PLEKHF1: variants seen among roughly 807,000 people sequenced by gnomAD.
The protein encoded by PLEKHF1 is pleckstrin homology and FYVE domain containing 1, also known as pleckstrin homology domain-containing family F member 1.
A neutral mutation model predicts 4.1 loss-of-function variants in PLEKHF1; 1 was observed. That is an observed-to-expected ratio of 0.24 (90% CI 0.09 to 1.15). The LOEUF is 1.15. Ranked by LOEUF, PLEKHF1 falls within the 50% of genes most tolerant of loss-of-function variation. The pLI, the probability that PLEKHF1 is intolerant of heterozygous loss-of-function variation, is 0.52. For synonymous variants in PLEKHF1, 182 were observed against 178.5 expected (o/e 1.02, Z -0.16); for missense variants, 429 against 400.6 (o/e 1.07, Z -0.60).
rs951070556 is a variant in PLEKHF1 at position 29,671,043 on chromosome 19, C to T, written c.-16-2781C>T. Among the ~76,000 whole-genome samples, 13 of 151,930 alleles carry T rather than the reference C, an allele frequency of 8.6e-5. No homozygotes were observed. Among genetic ancestry groups the T allele is most frequent in the African/African-American group, 2.9e-4 (12 of 41,402 alleles). On this transcript the variant is annotated intron_variant, in intron 1 of 1. Coordinates refer to ENST00000436066, the MANE Select transcript of PLEKHF1 (RefSeq NM_024310.5). The surrounding 1 kb of genome is among the most constrained non-coding windows in gnomAD (Gnocchi z 4.0). ...ATTCTCATCAGCAGTGCACAGTTTC[C>T]AGTTTCTCCACACCCTCACCAACAC...
chr19:29,668,856 G>A (rs1354387522), intron 1 of PLEKHF1, among the ~76,000 whole-genome samples: 5 of 152,136 alleles, frequency 3.3e-5, no homozygotes, highest in Admixed American at 2.6e-4. Context: ...TGAGCATGCC[G>A]GGGCAGCTCC....
At chr19:29,670,440 G>T (rs761303475) in intron 1 of PLEKHF1, among the ~76,000 whole-genome samples, 19 of 152,208 alleles carry the variant, frequency 1.2e-4, no homozygotes, top group Non-Finnish European at 2.6e-4. Flanking sequence ...CATTCGTGTT[G>T]TAGTGTGCGT....
chr19:29,673,513 C>T (rs536289291), intron 1 of PLEKHF1, among the ~76,000 whole-genome samples: 6 of 152,188 alleles, frequency 3.9e-5, no homozygotes, highest in Non-Finnish European at 7.4e-5. Flanking sequence ...CCTTCCAAAA[C>T]GCTGGAACCA....
chr19:29,674,245 G>A lies in PLEKHF1; in HGVS notation c.406G>A (p.Ala136Thr), dbSNP rs865866029. The A allele has an allele frequency of 6.2e-7, 1 of 1,608,830 alleles. No individual in the cohort carries two copies. The highest frequency in any genetic ancestry group is 1.3e-5 in the African/African-American group (1 of 74,910). The change falls in exon 2 of 2, where the codon GCC (alanine) becomes ACC (threonine). Residue 136 changes from alanine (A) to threonine (T), a missense_variant. Transcript: ENST00000436066. The part of the protein sequence containing the change: ...IEECVRRQLR[A>T]TGRPPSTEHA... ...GGAGTGCGTGCGGCGGCAACTGAGG[G>A]CCACGGGCCGCCCGCCCAGCACGGA...
At chr19:29,667,197 C>T (rs1213818722) in intron 1 of PLEKHF1, 1 of 152,650 alleles carries the variant, frequency 6.6e-6, no homozygotes, top group Non-Finnish European at 1.5e-5. Flanking sequence ...TCACTTCCTC[C>T]CAAGGCCTTC....
At chr19:29,673,117 C>G (rs377473512) in intron 1 of PLEKHF1, among the ~76,000 whole-genome samples, 2 of 152,138 alleles carry the variant, frequency 1.3e-5, no homozygotes, top group Non-Finnish European at 2.9e-5. Flanking sequence ...GAGATAGTCA[C>G]GCTTGGCTGA....
Position 29,674,644 on chromosome 19 carries a change from G to T in PLEKHF1, c.805G>T (p.Ala269Ser), listed in dbSNP as rs755803777. Residue 269 changes from alanine to serine, a missense_variant, in exon 2 of 2, where the codon GCC becomes TCC. Transcript: ENST00000436066. ...GDWPSSVEFY[A>S]SGVAWSAFHS ...CTGGCCCAGCAGCGTGGAGTTCTAC[G>T]CCTCGGGGGTGGCCTGGTCTGCCTT... 3.1e-6 allele frequency: 5 copies of T among 1,609,506 alleles called. No individual in the cohort carries two copies. The East Asian group carries it at 1.1e-4, about 36-fold the overall frequency.
At chr19:29,669,662 C>T (rs1252324014) in intron 1 of PLEKHF1, among the ~76,000 whole-genome samples, 1 of 152,234 alleles carries the variant, frequency 6.6e-6, no homozygotes, top group Non-Finnish European at 1.5e-5. Flanking sequence ...GAAGAAGCAA[C>T]ACGTGTTCCC....
At chr19:29,669,969 A>G (rs1479702956) in intron 1 of PLEKHF1, among the ~76,000 whole-genome samples, 1 of 152,040 alleles carries the variant, frequency 6.6e-6, no homozygotes, top group African/African-American at 2.4e-5. Context: ...ACTCACTGTG[A>G]TGCCCAGGCT....
At position 29,674,478 on chromosome 19, in the gene PLEKHF1, CCAG is replaced by C. The variant is rs1051561232; in HGVS notation, c.644_646del (p.Gln215del). 4 of 1,543,488 alleles carry C rather than the reference CCAG, an allele frequency of 2.6e-6. No individual in the cohort carries two copies. In the African/African-American group the frequency reaches 5.5e-5, roughly 21 times the overall value. ...GCCTCTGCTACCGCGAACTGGCCGC[CCAG>C]CAGCGGCAGGAGGAGGCGGAGGAGC... is the stretch of plus-strand genomic sequence containing the variant. On this transcript the variant is annotated inframe_deletion, in exon 2 of 2. Coordinates refer to ENST00000436066, the MANE Select transcript of PLEKHF1 (RefSeq NM_024310.5).
intron 1 of PLEKHF1, among the ~76,000 whole-genome samples, chr19:29,668,941 A>G (rs898104433): frequency 6.6e-6 from 1 of 152,122 alleles, no homozygotes; most frequent in African/African-American, 2.4e-5. Context: ...GGCACATGTG[A>G]GCCCCTGGCT....
chr19:29,668,662 G>A (rs1045777959), intron 1 of PLEKHF1, among the ~76,000 whole-genome samples: 2 of 151,600 alleles, frequency 1.3e-5, no homozygotes, highest in African/African-American at 4.9e-5. Context: ...CGAGGCTGCA[G>A]TTAGCCCTGA....
At chr19:29,665,655 T>A in intron 1 of PLEKHF1, 150 bp downstream of exon 1, 1 of 1,139,506 alleles carries the variant, frequency 8.8e-7, no homozygotes, top group Non-Finnish European at 1.1e-6. Context: ...TGCCGCTGAC[T>A]CCAGCCCAAG....
intron 1 of PLEKHF1, among the ~76,000 whole-genome samples, chr19:29,672,122 T>C (rs1335134643): frequency 6.6e-6 from 1 of 152,004 alleles, no homozygotes; most frequent in East Asian, 1.9e-4. Flanking sequence ...AAGCAATGAA[T>C]AGACAAGCAA....
intron 1 of PLEKHF1, among the ~76,000 whole-genome samples, chr19:29,668,249 G>T (rs1023875249): frequency 9.9e-5 from 15 of 152,180 alleles, no homozygotes; most frequent in African/African-American, 3.4e-4. Context: ...CAGCAGCCCT[G>T]GGGCCACACT....
intron 1 of PLEKHF1, 27 bp from the exon 2 acceptor site, chr19:29,673,797 A>T: frequency 1.3e-6 from 2 of 1,564,508 alleles, no homozygotes; most frequent in Non-Finnish European, 1.7e-6. Flanking sequence ...GAGCCTGGAC[A>T]TACTCCTTGT....
rs748727313 is a variant in PLEKHF1 at position 29,673,906 on chromosome 19, G to C, written c.67G>C (p.Gly23Arg). The change falls in exon 2 of 2, where the codon GGG becomes CGG. Residue 23 changes from glycine (G) to arginine (R), a missense_variant. Gly to Arg is a moderately radical substitution (Grantham distance 125). Transcript: ENST00000436066. Reference protein sequence around the residue: ...QRIAAVESCFGASGQPLALPG... With the variant: ...QRIAAVESCFRASGQPLALPG... ...CATCGCGGCAGTGGAGAGCTGCTTC[G>C]GGGCCTCGGGGCAGCCGCTGGCGCT... is the stretch of plus-strand genomic sequence containing the variant. The C allele has an allele frequency of 1.2e-6, 2 of 1,612,278 alleles. No individual in the cohort carries two copies. Among genetic ancestry groups the C allele is most frequent in the African/African-American group, 2.7e-5 (2 of 74,926 alleles).
chr19:29,667,478 T>A (rs1170589664), intron 1 of PLEKHF1, among the ~76,000 whole-genome samples: 1 of 152,194 alleles, frequency 6.6e-6, no homozygotes. Context: ...CCCAGGTCCC[T>A]GCAGGGAAGG....
intron 1 of PLEKHF1, among the ~76,000 whole-genome samples, chr19:29,670,681 C>T (rs890922508): frequency 6.6e-6 from 1 of 151,792 alleles, no homozygotes; most frequent in African/African-American, 2.4e-5. Context: ...CTGTTTTTAA[C>T]CTTTTTTTTT....
Sources: gnomAD v4.1 joint callset for allele counts (sites outside exome capture counted in the v4.1 genomes callset) on GRCh38, gnomAD v4.1.1 for gene constraint, Gnocchi (gnomAD v3.1) non-coding constraint, MANE v1.5 for transcripts, NCBI Gene and HGNC (gene_info 2026-07-23, HGNC 2026-07-21) for gene names.